Variants in NPC2 observed in about 807,000 individuals in gnomAD.
The protein encoded by NPC2 is Niemann-Pick disease type C2 protein.
Under a neutral mutation model 17.0 loss-of-function variants are expected in NPC2, and 14 were observed. The observed-to-expected ratio is 0.82, with a 90% CI of 0.54 to 1.29. The LOEUF is 1.29. Ranked by LOEUF, NPC2 falls within the 50% of genes most tolerant of loss-of-function variation. The probability of loss-of-function intolerance (pLI) is 0.00; values close to 1 mark genes in which losing one functional copy is unlikely to be tolerated. For synonymous variants in NPC2, 75 were observed against 69.3 expected, an observed-to-expected ratio of 1.08 and a Z score of -0.41; for missense variants, 167 against 183.4, an observed-to-expected ratio of 0.91 and a Z score of 0.52.
chr14:74,486,942 A>G (rs1180714728), intron 1 of NPC2, among the ~76,000 whole-genome samples: 1 of 151,850 alleles, frequency 6.6e-6, no homozygotes, highest in Admixed American at 6.6e-5. Flanking sequence ...GTTGTTCACT[A>G]CAGGAACAAC....
chr14:74,480,032 T>C lies in NPC2; in HGVS notation c.*242A>G. On this transcript the variant is annotated 3_prime_UTR_variant, in exon 5 of 5. Coordinates refer to ENST00000555619, the MANE Select transcript of NPC2 (RefSeq NM_006432.5). Reference sequence around the variant, plus strand: ...CAAGTTAATGTTGTTAAAAAAAAAATTAAACATCTGCTAACCAAGTGCTGC... The same window carrying C: ...CAAGTTAATGTTGTTAAAAAAAAAACTAAACATCTGCTAACCAAGTGCTGC... The C allele has an allele frequency of 6.8e-7, 1 of 1,463,140 alleles. No homozygotes were observed. Among genetic ancestry groups the C allele is most frequent in the Non-Finnish European group, 9.0e-7 (1 of 1,111,060 alleles). The allele number at this position is 1,463,140 out of a possible 1,614,324, so 90.6% of individuals were successfully genotyped here.
chr14:74,493,369 C>T (rs2086799996), upstream of NPC2: 2 of 1,553,310 alleles, frequency 1.3e-6, no homozygotes, highest in Admixed American at 2.0e-5. The surrounding 1 kb of genome is among the most constrained non-coding windows in gnomAD (Gnocchi z 4.1). Context: ...GGAGCCCAGT[C>T]AGGCGACCTG....
chr14:74,481,426 T>C (rs1169818747), intron 3 of NPC2, among the ~76,000 whole-genome samples: 1 of 152,234 alleles, frequency 6.6e-6, no homozygotes, highest in Non-Finnish European at 1.5e-5. Context: ...CAAACCTCTT[T>C]TCAAGTTACC....
Position 74,493,132 on chromosome 14 carries a change from C to T in NPC2, c.82+61G>A. The T allele has an allele frequency of 4.5e-6, 7 of 1,554,760 alleles. No individual in the cohort carries two copies. In the South Asian group the frequency reaches 8.3e-5, roughly 18 times the overall value. On this transcript the variant is annotated intron_variant, in intron 1 of 4. Transcript: ENST00000555619. This position sits in a 1 kb window ranked among gnomAD's most constrained non-coding sequence, Gnocchi z 4.1. ...CAGCCCAGCCCCAGGGGTCTCAGCG[C>T]GGGGGTCCGGCGGGGCCTTCCACAG...
intron 2 of NPC2, 38 bp downstream of exon 2, chr14:74,486,291 T>C: frequency 6.8e-7 from 1 of 1,480,416 alleles, no homozygotes; most frequent in South Asian, 1.2e-5. Context: ...TAGGTTATGC[T>C]GTAACATGAA....
Position 74,480,193 on chromosome 14 carries a change from T to C in NPC2, c.*81A>G. The C allele has an allele frequency of 3.7e-6, 6 of 1,613,772 alleles. No individual in the cohort carries two copies. The highest frequency in any genetic ancestry group is 2.2e-5 in the East Asian group (1 of 44,870). Reference sequence around the variant, plus strand: ...GATACCATTGGAGAGCAAGTCACTGTTGTTGAAGCAGCAGAGCTGGAGGTG... The same window carrying C: ...GATACCATTGGAGAGCAAGTCACTGCTGTTGAAGCAGCAGAGCTGGAGGTG... On this transcript the variant is annotated 3_prime_UTR_variant, in exon 5 of 5. Transcript: ENST00000555619.
At chr14:74,490,367 T>C (rs1369646580) in intron 1 of NPC2, among the ~76,000 whole-genome samples, 1 of 152,106 alleles carries the variant, frequency 6.6e-6, no homozygotes, top group Non-Finnish European at 1.5e-5. Context: ...TGCTTCTCCA[T>C]CATTGCAAAG....
chr14:74,483,184 A>T (rs2086673201), intron 3 of NPC2: 1 of 848,606 alleles, frequency 1.2e-6, no homozygotes, highest in African/African-American at 1.7e-5. Flanking sequence ...TTTGTATATG[A>T]AGAATGGCCA....
chr14:74,484,604 G>C lies in NPC2; in HGVS notation c.191-17C>G, dbSNP rs1295627962. ...ACTGAATATCTAAGAGAAAAAAAGAGAATCAGATGGCAAAGAAAATAACCT... is the reference window on the plus strand; with the variant it reads ...ACTGAATATCTAAGAGAAAAAAAGACAATCAGATGGCAAAGAAAATAACCT... On this transcript the variant is annotated splice_polypyrimidine_tract_variant and intron_variant, in intron 2 of 4. Transcript: ENST00000555619. 6.2e-7 allele frequency: 1 copy of C among 1,613,742 alleles called. No homozygotes were observed. The highest frequency in any genetic ancestry group is 8.5e-7 in the Non-Finnish European group (1 of 1,179,830).
At chr14:74,492,099 T>G (rs1158560562) in intron 1 of NPC2, among the ~76,000 whole-genome samples, 1 of 151,904 alleles carries the variant, frequency 6.6e-6, no homozygotes, top group Non-Finnish European at 1.5e-5. Context: ...ACTTCGACTC[T>G]CCTATGATTT....
chr14:74,492,680 G>C (rs1161081840), intron 1 of NPC2, among the ~76,000 whole-genome samples: 1 of 152,072 alleles, frequency 6.6e-6, no homozygotes, highest in Non-Finnish European at 1.5e-5. Context: ...ATTTATACAA[G>C]GAAAAACTGA....
intron 1 of NPC2, among the ~76,000 whole-genome samples, chr14:74,491,394 G>C (rs1009544458): frequency 3.9e-5 from 6 of 152,252 alleles, no homozygotes; most frequent in African/African-American, 1.4e-4. Context: ...AAAATTAATA[G>C]TGTCTTCATC....
chr14:74,492,114 T>G (rs2086780876), intron 1 of NPC2, among the ~76,000 whole-genome samples: 1 of 152,124 alleles, frequency 6.6e-6, no homozygotes, highest in African/African-American at 2.4e-5. Context: ...TGATTTTATC[T>G]TCAACCTGAC....
At chr14:74,483,135 A>G (rs1202219442) in intron 3 of NPC2, 4 of 897,134 alleles carry the variant, frequency 4.5e-6, no homozygotes, top group Non-Finnish European at 7.4e-6. Flanking sequence ...TTAAAATCCT[A>G]GATACTGCAG....
chr14:74,487,286 T>TTTTTG (rs2086724151), intron 1 of NPC2, among the ~76,000 whole-genome samples: 1 of 150,402 alleles, frequency 6.6e-6, no homozygotes. Context: ...TTTTTTTTTT[T>TTTTTG]GAGACAGGGT....
rs184857561 is a variant in NPC2, at chr14:74,484,965, G to C, written c.191-378C>G. ...TATATTGTGTGTCTTAAATGTCATG[G>C]TCTGTAACAACAGTGAAAGAGGTAA... On this transcript the variant is annotated intron_variant, in intron 2 of 4. Transcript: ENST00000555619. Among the ~76,000 whole-genome samples the C allele has an allele frequency of 1.9e-3, 288 of 152,156 alleles. 3 individuals are homozygous for C. The highest frequency in any genetic ancestry group is 6.6e-3 in the African/African-American group (274 of 41,488).
rs541519258 is a variant in NPC2, at chr14:74,484,767, A to C, written c.191-180T>G. On this transcript the variant is annotated intron_variant, in intron 2 of 4. Coordinates refer to ENST00000555619, the MANE Select transcript of NPC2 (RefSeq NM_006432.5). ...AAACACAATTATGCAAAAAAAAAAA[A>C]AAAAAAAAAAACAATCAGCAGAAGT... 5.6e-4 allele frequency among the ~76,000 whole-genome samples: 84 copies of C among 150,880 alleles called. 1 individual carries two copies. Among genetic ancestry groups the C allele is most frequent in the African/African-American group, 1.9e-3 (78 of 40,684 alleles).
At position 74,479,976 on chromosome 14, in the gene NPC2, A is replaced by G. The variant is rs1566600619; in HGVS notation, c.*298T>C. The G allele has an allele frequency of 7.4e-7, 1 of 1,357,420 alleles. No individual in the cohort carries two copies. The highest frequency in any genetic ancestry group is 1.5e-5 in the South Asian group (1 of 66,076). 84.1% of individuals were successfully genotyped at this position (1,357,420 alleles called of 1,614,324 possible). ...AGACAAACGAGTTTTTATTTATTCA[A>G]GAGTAAATTTCCAGGTGTAGAAAGA... On this transcript the variant is annotated 3_prime_UTR_variant, in exon 5 of 5. Transcript: ENST00000555619.
In NPC2 at chr14:74,493,125, C is replaced by T; in HGVS notation, c.82+68G>A. The T allele has an allele frequency of 6.5e-7, 1 of 1,545,530 alleles. No homozygotes were observed. The highest frequency in any genetic ancestry group is 2.4e-5 in the East Asian group (1 of 41,922). On this transcript the variant is annotated intron_variant, in intron 1 of 4. Coordinates refer to ENST00000555619, the MANE Select transcript of NPC2 (RefSeq NM_006432.5). This position sits in a 1 kb window ranked among gnomAD's most constrained non-coding sequence, Gnocchi z 4.1. ...ATCCGCCCAGCCCAGCCCCAGGGGTCTCAGCGCGGGGGTCCGGCGGGGCCT... is the reference window on the plus strand; with the variant it reads ...ATCCGCCCAGCCCAGCCCCAGGGGTTTCAGCGCGGGGGTCCGGCGGGGCCT...
Sources: gnomAD v4.1 joint callset for allele counts (sites outside exome capture counted in the v4.1 genomes callset) on GRCh38, gnomAD v4.1.1 for gene constraint, Gnocchi (gnomAD v3.1) non-coding constraint, MANE v1.5 for transcripts, NCBI Gene and HGNC (gene_info 2026-07-23, HGNC 2026-07-21) for gene names.